Variants in KHDRBS2 observed in about 807,000 individuals in gnomAD.
KHDRBS2 encodes KH domain-containing, RNA-binding, signal transduction-associated protein 2.
A neutral mutation model predicts 44.3 loss-of-function variants in KHDRBS2; 26 were observed. That is an observed-to-expected ratio of 0.59 (90% confidence interval 0.43 to 0.81). The LOEUF is 0.81. Ranked by LOEUF, KHDRBS2 falls within the 40% of genes least tolerant of loss-of-function variation. The pLI is 0.00. For missense variants in KHDRBS2, 476 were observed against 433.1 expected, an observed-to-expected ratio of 1.10 and a Z score of -0.88; for synonymous variants, 194 against 151.1, an observed-to-expected ratio of 1.28 and a Z score of -2.08.
chr6:62,222,881 T>C (rs1323374399), intron 1 of KHDRBS2, among the ~76,000 whole-genome samples: 3 of 152,212 alleles, frequency 2.0e-5, no homozygotes, highest in African/African-American at 7.2e-5. Flanking sequence ...TCCACCCCTG[T>C]GGCTTTGCAG....
chr6:62,084,008 T>G (rs1326395767), intron 2 of KHDRBS2, among the ~76,000 whole-genome samples: 1 of 152,210 alleles, frequency 6.6e-6, no homozygotes, highest in Non-Finnish European at 1.5e-5. Context: ...ATTTCTAATT[T>G]TCATACGTTA....
intron 8 of KHDRBS2, among the ~76,000 whole-genome samples, chr6:61,690,463 C>A (rs1410269374): frequency 6.6e-6 from 1 of 151,902 alleles, no homozygotes; most frequent in Non-Finnish European, 1.5e-5. Flanking sequence ...TAAAAAACAC[C>A]TTTCCTATGG....
the KHDRBS2 span, among the ~76,000 whole-genome samples, chr6:61,660,776 T>C: frequency 6.6e-6 from 1 of 151,668 alleles, no homozygotes; most frequent in Non-Finnish European, 1.5e-5. Context: ...AAATTGAACT[T>C]CTCCTCTAAT....
intron 2 of KHDRBS2, among the ~76,000 whole-genome samples, chr6:62,153,278 G>C (rs1266628500): frequency 6.6e-6 from 1 of 152,062 alleles, no homozygotes; most frequent in Non-Finnish European, 1.5e-5. Flanking sequence ...CAACTCTAAT[G>C]CTGAGCAAAT....
At chr6:61,749,009 C>CTTTTTTTTTTTTT (rs34423906) in intron 6 of KHDRBS2, among the ~76,000 whole-genome samples, 22 of 97,220 alleles carry the variant, frequency 2.3e-4, no homozygotes, top group African/African-American at 4.5e-4. Flanking sequence ...TTCTTTCTTT[C>CTTTTTTTTTTTTT]TTTTTTTTTT....
chr6:62,084,430 T>C (rs549156213), intron 2 of KHDRBS2, among the ~76,000 whole-genome samples: 43 of 152,046 alleles, frequency 2.8e-4, no homozygotes, highest in Non-Finnish European at 5.6e-4. Flanking sequence ...AAAGAAGAGC[T>C]CCCATGAAAA....
intron 2 of KHDRBS2, among the ~76,000 whole-genome samples, chr6:62,048,798 G>A (rs1039789857): frequency 6.6e-6 from 1 of 151,814 alleles, no homozygotes; most frequent in Non-Finnish European, 1.5e-5. Flanking sequence ...AAATGACCGA[G>A]GTAATAATTT....
intron 1 of KHDRBS2, among the ~76,000 whole-genome samples, chr6:62,227,531 A>G (rs1338098048): frequency 1.3e-5 from 2 of 152,132 alleles, no homozygotes; most frequent in Admixed American, 1.3e-4. Flanking sequence ...CTCTTGCCTA[A>G]CTGCCCTGCC....
intron 3 of KHDRBS2, among the ~76,000 whole-genome samples, chr6:61,989,560 T>TA (rs899070625): frequency 1.3e-5 from 2 of 152,274 alleles, no homozygotes; most frequent in South Asian, 4.1e-4. Flanking sequence ...TGCTTGGCTA[T>TA]AAAAAAATGT....
At chr6:62,213,374 G>T (rs947333511) in intron 1 of KHDRBS2, among the ~76,000 whole-genome samples, 1 of 152,168 alleles carries the variant, frequency 6.6e-6, no homozygotes, top group South Asian at 2.1e-4. Context: ...GAGAATAGGG[G>T]TCTGTGGATC....
At chr6:61,756,341 C>T (rs1778480490) in intron 6 of KHDRBS2, among the ~76,000 whole-genome samples, 4 of 152,028 alleles carry the variant, frequency 2.6e-5, no homozygotes, top group African/African-American at 9.7e-5. Flanking sequence ...ACTGTAACCA[C>T]CAGCTCCCAG....
intron 4 of KHDRBS2, among the ~76,000 whole-genome samples, chr6:61,943,597 G>T (rs1216011365): frequency 4.0e-5 from 6 of 151,830 alleles, no homozygotes; most frequent in Non-Finnish European, 8.8e-5. Flanking sequence ...TCTAAGTAAA[G>T]ATTTTATGGC....
At chr6:61,569,406 A>C in the KHDRBS2 span, among the ~76,000 whole-genome samples, 11 of 152,300 alleles carry the variant, frequency 7.2e-5, no homozygotes, top group African/African-American at 2.6e-4. Flanking sequence ...AATTAGAGCA[A>C]GCTTAGATCC....
chr6:61,865,652 A>T (rs1277669339), intron 6 of KHDRBS2, among the ~76,000 whole-genome samples: 3 of 152,092 alleles, frequency 2.0e-5, no homozygotes, highest in Non-Finnish European at 4.4e-5. Context: ...ATGTCCTCAC[A>T]TTTCAAAACC....
chr6:62,195,005 G>A (rs2150133947), intron 1 of KHDRBS2, among the ~76,000 whole-genome samples: 1 of 152,122 alleles, frequency 6.6e-6, no homozygotes, highest in East Asian at 1.9e-4. Flanking sequence ...CACTGAATCT[G>A]TAGATCAGTA....
the KHDRBS2 span, among the ~76,000 whole-genome samples, chr6:61,545,093 A>T: frequency 5.3e-3 from 813 of 152,096 alleles, 7 homozygotes; most frequent in African/African-American, 0.018. Flanking sequence ...AAAAAATTTT[A>T]AAAAAATTTG....
intron 7 of KHDRBS2, among the ~76,000 whole-genome samples, chr6:61,722,972 G>A (rs1772929145): frequency 6.6e-6 from 1 of 152,108 alleles, no homozygotes; most frequent in African/African-American, 2.4e-5. Context: ...GCCTCCCAAA[G>A]TGCTGGAATT....
rs1821905180 is a variant in KHDRBS2, at chr6:62,179,890, C to T, written c.92-2578G>A. On this transcript the variant is annotated intron_variant, in intron 1 of 8. Transcript: ENST00000281156. ...TATTATTTTGCCCTCCTAATACTTTCAGGGAGTTATCTTGTCTTCTTTGGC... is the reference window on the plus strand; with the variant it reads ...TATTATTTTGCCCTCCTAATACTTTTAGGGAGTTATCTTGTCTTCTTTGGC... Among the ~76,000 whole-genome samples, 5 of 151,748 alleles carry T rather than the reference C, an allele frequency of 3.3e-5. No homozygotes were observed. The South Asian group carries it at 1.0e-3, about 31-fold the overall frequency.
the KHDRBS2 span, among the ~76,000 whole-genome samples, chr6:61,548,111 A>C: frequency 6.6e-6 from 1 of 152,198 alleles, no homozygotes; most frequent in African/African-American, 2.4e-5. Context: ...GATGAATCTA[A>C]TACTTCAAAA....
Sources: gnomAD v4.1 joint callset for allele counts (sites outside exome capture counted in the v4.1 genomes callset) on GRCh38, gnomAD v4.1.1 for gene constraint, MANE v1.5 for transcripts, NCBI Gene and HGNC (gene_info 2026-07-23, HGNC 2026-07-21) for gene names.